Variants in CEP120 observed in about 807,000 individuals in gnomAD.
CEP120 encodes the protein centrosomal protein 120, also known as centrosomal protein of 120 kDa.
Under a neutral mutation model 126.5 loss-of-function variants are expected in CEP120, and 113 were observed. That is an observed-to-expected ratio of 0.89 (90% CI 0.77 to 1.04). CEP120 has a LOEUF of 1.04. Ranked by LOEUF, CEP120 falls within the 50% of genes least tolerant of loss-of-function variation. CEP120 has a pLI of 0.00. For synonymous variants in CEP120, 400 were observed against 394.3 expected, an observed-to-expected ratio of 1.01 and a Z score of -0.17; for missense variants, 1,230 against 1,155.7, an observed-to-expected ratio of 1.06 and a Z score of -0.93.
rs1338179586 is a variant in CEP120 at position 123,382,788 on chromosome 5, T to C, written c.1962A>G (p.Ala654=). 1.2e-6 allele frequency: 2 copies of C among 1,613,414 alleles called. No individual in the cohort carries two copies. Among genetic ancestry groups the C allele is most frequent in the Middle Eastern group, 1.7e-4 (1 of 6,054 alleles). The change falls in exon 13 of 20, where the codon GCA becomes GCG. Residue 654 remains alanine (A), a synonymous_variant. Transcript: ENST00000306467. Reference sequence around the variant, plus strand: ...TCTCCTTCCACATTTCTAGCTCAAGTGCTGCTTTGTATTCTAACGTTTCAC... The same window carrying C: ...TCTCCTTCCACATTTCTAGCTCAAGCGCTGCTTTGTATTCTAACGTTTCAC... The part of the protein sequence containing the change: ...EPRETLEYKA[A]LELEMWKEMQ...
chr5:123,389,806 G>A, intron 8 of CEP120, 118 bp downstream of exon 8: 1 of 891,498 alleles, frequency 1.1e-6, no homozygotes, highest in Non-Finnish European at 1.7e-6. Context: ...AGCCTTATTG[G>A]TTCTTAACAA....
chr5:123,364,434 A>G, intron 18 of CEP120, 62 bp downstream of exon 18: 2 of 1,094,296 alleles, frequency 1.8e-6, no homozygotes, highest in East Asian at 5.0e-5. Context: ...ATTGCCAAAC[A>G]TACGAATTTG....
chr5:123,354,668 C>T (rs1769440193), intron 18 of CEP120, among the ~76,000 whole-genome samples: 1 of 151,942 alleles, frequency 6.6e-6, no homozygotes, highest in Non-Finnish European at 1.5e-5. Context: ...ATGCCTCTCG[C>T]CCTATAAGTC....
intron 3 of CEP120, among the ~76,000 whole-genome samples, 196 bp from the exon 4 acceptor site, chr5:123,412,736 T>C (rs936125463): frequency 2.0e-5 from 3 of 152,184 alleles, no homozygotes; most frequent in Admixed American, 1.3e-4. Context: ...AAAAACTACG[T>C]AGAAATTTAA....
intron 4 of CEP120, chr5:123,401,937 A>T (rs1233274623): frequency 5.1e-6 from 8 of 1,562,896 alleles, no homozygotes; most frequent in Non-Finnish European, 7.0e-6. Flanking sequence ...CATGTTGTCC[A>T]TGTTGCTCCC....
intron 9 of CEP120, among the ~76,000 whole-genome samples, chr5:123,387,833 T>C (rs1306823999): frequency 2.0e-5 from 3 of 152,054 alleles, no homozygotes; most frequent in Non-Finnish European, 1.5e-5. Context: ...CAAATTATTG[T>C]GTAAAACTAC....
chr5:123,379,734 G>A (rs1771510900), intron 14 of CEP120, among the ~76,000 whole-genome samples: 1 of 150,044 alleles, frequency 6.7e-6, no homozygotes, highest in Non-Finnish European at 1.5e-5. Flanking sequence ...ATTTCTTGAG[G>A]CACACTCTTT....
At chr5:123,392,580 A>G (rs1203817517) in intron 6 of CEP120, among the ~76,000 whole-genome samples, 2 of 152,156 alleles carry the variant, frequency 1.3e-5, no homozygotes, top group Non-Finnish European at 2.9e-5. Flanking sequence ...GTGTGATCAT[A>G]GCTGACTGCA....
intron 7 of CEP120, chr5:123,390,469 G>A: frequency 2.8e-6 from 1 of 361,902 alleles, no homozygotes; most frequent in Non-Finnish European, 5.3e-6. Flanking sequence ...TACTCCTAAA[G>A]AGAAAAAACA....
intron 17 of CEP120, among the ~76,000 whole-genome samples, chr5:123,367,535 C>T (rs78110761): frequency 0.018 from 2,693 of 151,850 alleles, 79 homozygotes; most frequent in African/African-American, 0.061. Flanking sequence ...TCAGATTTTC[C>T]GAACAGCGAT....
chr5:123,379,621 T>C (rs1771502820), intron 14 of CEP120, among the ~76,000 whole-genome samples: 1 of 152,028 alleles, frequency 6.6e-6, no homozygotes, highest in Non-Finnish European at 1.5e-5. Context: ...CTTCATTCTC[T>C]CAGGAAGGCC....
chr5:123,372,595 A>G, intron 17 of CEP120, 55 bp downstream of exon 17: 1 of 1,523,690 alleles, frequency 6.6e-7, no homozygotes, highest in Non-Finnish European at 9.1e-7. Flanking sequence ...TTATTGATTG[A>G]TTTTATAAAT....
intron 18 of CEP120, among the ~76,000 whole-genome samples, chr5:123,362,296 C>T (rs1226830997): frequency 2.0e-5 from 3 of 151,726 alleles, no homozygotes; most frequent in Non-Finnish European, 4.4e-5. Flanking sequence ...CCTCAGTACT[C>T]TCGTCAGAGT....
intron 3 of CEP120, among the ~76,000 whole-genome samples, chr5:123,414,971 C>CAAAAAAAAAAAAAAAAA (rs56756568): frequency 2.5e-5 from 1 of 40,662 alleles, no homozygotes; most frequent in African/African-American, 1.2e-4. Flanking sequence ...GACTCCATCT[C>CAAAAAAAAAAAAAAAAA]AAAAAAAAAA....
In CEP120 at chr5:123,399,382, T is replaced by C. The variant is rs538550113; in HGVS notation, c.464-98A>G. Reference sequence around the variant, plus strand: ...TATATTTTGTAATTTGCTTGGTAATTTTCATGAATACAGTTAATATCTAAT... The same window carrying C: ...TATATTTTGTAATTTGCTTGGTAATCTTCATGAATACAGTTAATATCTAAT... On this transcript the variant is annotated intron_variant, in intron 4 of 19. Coordinates refer to ENST00000306467, the MANE Select transcript of CEP120 (RefSeq NM_001375405.1). 62 of 1,146,182 alleles carry C rather than the reference T, an allele frequency of 5.4e-5. 1 individual carries two copies. Among genetic ancestry groups the C allele is most frequent in the South Asian group, 4.5e-4 (30 of 66,326 alleles). The allele number at this position is 1,146,182 out of a possible 1,614,324, so 71.0% of individuals were successfully genotyped here.
intron 1 of CEP120, among the ~76,000 whole-genome samples, chr5:123,419,188 G>A (rs185611849): frequency 7.9e-5 from 12 of 152,120 alleles, no homozygotes; most frequent in African/African-American, 2.7e-4. Flanking sequence ...ACTTTGAGTA[G>A]GAATGATCTC....
rs368227733 is a variant in CEP120 at position 123,393,229 on chromosome 5, G to A, written c.810+71C>T. 5.2e-4 allele frequency: 704 copies of A among 1,364,636 alleles called. 4 individuals are homozygous for A. The highest frequency in any genetic ancestry group is 2.9e-3 in the South Asian group (246 of 84,108). The allele number at this position is 1,364,636 out of a possible 1,614,324, so 84.5% of individuals were successfully genotyped here. A position where few individuals can be genotyped will look rare whatever the true frequency, so the allele number is the denominator to read the frequency against. On this transcript the variant is annotated intron_variant, in intron 6 of 19. Coordinates refer to ENST00000306467, the MANE Select transcript of CEP120 (RefSeq NM_001375405.1). ...GATTAAGTTTAGGTACTAAACTCTC[G>A]TTTAGTTTAGGTACTAAATTAATGC...
intron 18 of CEP120, 126 bp downstream of exon 18, chr5:123,364,370 C>T: frequency 2.4e-6 from 1 of 423,912 alleles, no homozygotes. Context: ...TTATAAAAGC[C>T]TCTAATCTCA....
rs1768907419 is a variant in CEP120 at position 123,347,477 on chromosome 5, A to C, written c.2727-724T>G. Among the ~76,000 whole-genome samples the C allele has an allele frequency of 2.6e-5, 4 of 152,150 alleles. No homozygotes were observed. In the South Asian group the frequency reaches 8.3e-4, roughly 32 times the overall value. ...AAATTCTTTACATATGCCTAGTTCA[A>C]AGGGCATATGCATGTTAAGGTTTTG... On this transcript the variant is annotated intron_variant, in intron 19 of 19. Transcript: ENST00000306467.
Sources: allele counts gnomAD v4.1 joint callset (sites outside exome capture counted in the v4.1 genomes callset), GRCh38; gene constraint gnomAD v4.1.1; transcripts MANE v1.5; gene names NCBI Gene and HGNC (gene_info 2026-07-23, HGNC 2026-07-21).